C13orf42: variants seen among roughly 807,000 people sequenced by gnomAD.
The protein encoded by C13orf42 is uncharacterized protein C13orf42.
intron 1 of C13orf42, among the ~76,000 whole-genome samples, chr13:51,092,686 A>G (rs953510381): frequency 6.6e-6 from 1 of 152,118 alleles, no homozygotes; most frequent in Non-Finnish European, 1.5e-5. Context: ...ATTATAAATT[A>G]TAAGAAGTCC....
In C13orf42 at chr13:51,084,220, G is replaced by A. The variant is rs3803200; in HGVS notation, c.909C>T (p.Tyr303=). ...LEPQLSPGED[Y]YETENPKGQW... Reference sequence around the variant, plus strand: ...GTCCTTTGGGGTTCTCTGTCTCATAGTAGTCCTCCCCAGGAGACAACTGGG... The same window carrying A: ...GTCCTTTGGGGTTCTCTGTCTCATAATAGTCCTCCCCAGGAGACAACTGGG... Residue 303 remains tyrosine, a synonymous_variant, in exon 4 of 4, where the codon TAC becomes TAT. Transcript: ENST00000563710. 92,644 of 398,572 alleles carry A rather than the reference G, an allele frequency of 0.23. 11,107 individuals are homozygous for A. The highest frequency in any genetic ancestry group is 0.41 in the South Asian group (3,186 of 7,858). 24.7% of individuals were successfully genotyped at this position (398,572 alleles called of 1,614,324 possible). A position where few individuals can be genotyped will look rare whatever the true frequency, so the allele number is the denominator to read the frequency against.
At position 51,086,892 on chromosome 13, in the gene C13orf42, CCTT is replaced by C. The variant is rs1165297013; in HGVS notation, c.562+1033_562+1035del. On this transcript the variant is annotated intron_variant, in intron 2 of 3. Transcript: ENST00000563710. ...GAATAAGCTTGGGGAGCAGAGTTAACCTTCTGTGAAACTGCAAAGAACCCAATT... is the reference window on the plus strand; with the variant it reads ...GAATAAGCTTGGGGAGCAGAGTTAACCTGTGAAACTGCAAAGAACCCAATT... Among the ~76,000 whole-genome samples the C allele has an allele frequency of 2.6e-5, 4 of 152,222 alleles. No individual in the cohort carries two copies. The South Asian group carries it at 6.2e-4, about 24-fold the overall frequency.
chr13:51,127,943 A>G (rs1953589060), intron 1 of C13orf42, among the ~76,000 whole-genome samples: 1 of 152,198 alleles, frequency 6.6e-6, no homozygotes, highest in Non-Finnish European at 1.5e-5. Context: ...GGTCGGCACA[A>G]GATACAGGTC....
intron 1 of C13orf42, among the ~76,000 whole-genome samples, chr13:51,139,431 T>C (rs544245459): frequency 6.6e-5 from 10 of 152,330 alleles, no homozygotes; most frequent in African/African-American, 1.4e-4. Context: ...AAATTTGTTA[T>C]ACTGTCAGAC....
intron 1 of C13orf42, among the ~76,000 whole-genome samples, chr13:51,106,385 G>C (rs772670060): frequency 2.0e-5 from 3 of 148,826 alleles, no homozygotes; most frequent in Non-Finnish European, 4.4e-5. Context: ...AGCCTTTGCA[G>C]TACACATCCT....
chr13:51,159,731 A>G (rs1456133641), intron 1 of C13orf42, among the ~76,000 whole-genome samples: 1 of 152,212 alleles, frequency 6.6e-6, no homozygotes, highest in Admixed American at 6.5e-5. Flanking sequence ...CCGAATATGC[A>G]ATGTATATTT....
intron 1 of C13orf42, among the ~76,000 whole-genome samples, chr13:51,163,349 CAT>C (rs1349529393): frequency 1.3e-5 from 2 of 152,162 alleles, no homozygotes; most frequent in Non-Finnish European, 1.5e-5. Context: ...GATATTTCAT[CAT>C]AGTCAGAAGG....
rs55755624 is a variant in C13orf42, at chr13:51,152,940, G to C, written n.136+19313C>G. Among the ~76,000 whole-genome samples, 1,251 of 152,212 alleles carry C rather than the reference G, an allele frequency of 8.2e-3. 23 individuals are homozygous for C. The highest frequency in any genetic ancestry group is 0.029 in the African/African-American group (1,207 of 41,526). Reference sequence around the variant, plus strand: ...GCTGCGTCATGTTCGCGGGCACCCTGGGGACACCTGCTGCGGGGTTGATGT... The same window carrying C: ...GCTGCGTCATGTTCGCGGGCACCCTCGGGACACCTGCTGCGGGGTTGATGT... On this transcript the variant is annotated intron_variant and non_coding_transcript_variant, in intron 1 of 4. Coordinates refer to the C13orf42 transcript ENST00000433280.
intron 1 of C13orf42, among the ~76,000 whole-genome samples, chr13:51,094,228 T>C (rs1335816294): frequency 1.3e-5 from 2 of 152,176 alleles, no homozygotes; most frequent in East Asian, 3.9e-4. Flanking sequence ...ACTTAATTTT[T>C]AGTTGGAAGT....
At chr13:51,087,567 C>T (rs957713723) in intron 2 of C13orf42, among the ~76,000 whole-genome samples, 6 of 152,154 alleles carry the variant, frequency 3.9e-5, no homozygotes, top group African/African-American at 1.4e-4. Context: ...CACCCCTCAT[C>T]GATTCTCCTT....
chr13:51,126,919 C>T (rs77943831), intron 1 of C13orf42, among the ~76,000 whole-genome samples: 23,998 of 152,228 alleles, frequency 0.16, 2,074 homozygotes, highest in South Asian at 0.27. Context: ...AATCCCAGCA[C>T]TCTGGGATGC....
At chr13:51,112,711 G>A (rs554936710), upstream of C13orf42, among the ~76,000 whole-genome samples, 74 of 152,254 alleles carry the variant, frequency 4.9e-4, no homozygotes, top group Non-Finnish European at 3.5e-4. Flanking sequence ...ATCTTTAGTG[G>A]TCATCAATTC....
At chr13:51,150,620 C>A (rs1191768057) in intron 1 of C13orf42, among the ~76,000 whole-genome samples, 7 of 152,168 alleles carry the variant, frequency 4.6e-5, no homozygotes, top group African/African-American at 7.2e-5. Context: ...CTCTTTCTTT[C>A]CAGAAAGCAG....
At chr13:51,133,084 G>A (rs1418010925) in intron 1 of C13orf42, among the ~76,000 whole-genome samples, 1 of 152,174 alleles carries the variant, frequency 6.6e-6, no homozygotes, top group Non-Finnish European at 1.5e-5. Context: ...CCATAAAAAT[G>A]GGCAACCAGC....
At chr13:51,166,754 T>G (rs1465836695) in intron 1 of C13orf42, among the ~76,000 whole-genome samples, 3 of 152,094 alleles carry the variant, frequency 2.0e-5, no homozygotes, top group Admixed American at 2.0e-4. Context: ...TAAAGATGAT[T>G]TCCAGGGCAA....
intron 1 of C13orf42, among the ~76,000 whole-genome samples, chr13:51,145,672 G>T (rs1435727588): frequency 6.6e-6 from 1 of 152,110 alleles, no homozygotes; most frequent in Non-Finnish European, 1.5e-5. Flanking sequence ...CACTGAGACA[G>T]GTGCGTATCT....
intron 1 of C13orf42, among the ~76,000 whole-genome samples, chr13:51,139,149 T>A (rs1953679163): frequency 6.6e-6 from 1 of 152,010 alleles, no homozygotes; most frequent in Non-Finnish European, 1.5e-5. Context: ...AAACCCCGTC[T>A]CTACTAAAAA....
chr13:51,153,780 T>A (rs550591143), intron 1 of C13orf42, among the ~76,000 whole-genome samples: 1 of 151,998 alleles, frequency 6.6e-6, no homozygotes, highest in South Asian at 2.1e-4. Flanking sequence ...TAGCTGGGAC[T>A]ACAGGTGCAT....
rs928732178 is a variant in C13orf42 at position 51,082,720 on chromosome 13, A to G, written c.*1431T>C. On this transcript the variant is annotated 3_prime_UTR_variant, in exon 4 of 4. Coordinates refer to ENST00000563710, the MANE Select transcript of C13orf42 (RefSeq NM_001351589.3). ...GGCTATAGCTGGGTTAGTACAAGCA[A>G]CAAAATGAAAGAAACTTTCCAAACA... The G allele has an allele frequency of 2.0e-5, 3 of 152,268 alleles. No individual in the cohort carries two copies. Among genetic ancestry groups the G allele is most frequent in the African/African-American group, 4.8e-5 (2 of 41,476 alleles). The allele number at this position is 152,268 out of a possible 1,614,324, so 9.4% of individuals were successfully genotyped here.
Sources: gnomAD v4.1 joint callset for allele counts (sites outside exome capture counted in the v4.1 genomes callset) on GRCh38, gnomAD v4.1.1 for gene constraint, MANE v1.5 for transcripts, NCBI Gene and HGNC (gene_info 2026-07-23, HGNC 2026-07-21) for gene names.